Variants in CACUL1 observed in about 807,000 individuals in gnomAD.
CACUL1 encodes CDK2-associated and cullin domain-containing protein 1.
CACUL1 carries 13 observed loss-of-function variants against 45.2 expected under a neutral mutation model. That is an observed-to-expected ratio of 0.29 (90% CI 0.19 to 0.46). The LOEUF is 0.46. CACUL1 is among the 20% of genes least tolerant of loss of function. The pLI is 1.00. For missense variants in CACUL1, 421 were observed against 471.4 expected, an observed-to-expected ratio of 0.89 and a Z score of 0.99; for synonymous variants, 197 against 174.2, an observed-to-expected ratio of 1.13 and a Z score of -1.03.
At chr10:118,735,677 A>T (rs1845734013) in intron 1 of CACUL1, among the ~76,000 whole-genome samples, 2 of 152,186 alleles carry the variant, frequency 1.3e-5, no homozygotes, top group African/African-American at 4.8e-5. Context: ...TAAAGGTGTG[A>T]ATATATCAAA....
chr10:118,738,892 T>TAAAAAAAAAAAAAAAAAAAAAA (rs150393133), intron 1 of CACUL1, among the ~76,000 whole-genome samples: 3 of 62,258 alleles, frequency 4.8e-5, no homozygotes, highest in African/African-American at 1.9e-4. Flanking sequence ...CAAGTGCTCT[T>TAAAAAAAAAAAAAAAAAAAAAA]AAAAAAAAAA....
chr10:118,710,488 G>C (rs1202694252), intron 3 of CACUL1, among the ~76,000 whole-genome samples: 20 of 152,164 alleles, frequency 1.3e-4, no homozygotes. Flanking sequence ...GAACAGGACT[G>C]ACAATGGGAA....
rs926803198 is a variant in CACUL1 at position 118,730,298 on chromosome 10, A to G, written c.480T>C (p.Tyr160=). Residue 160 remains tyrosine, a synonymous_variant, in exon 2 of 9, where the codon TAT becomes TAC. Coordinates refer to ENST00000369151, the MANE Select transcript of CACUL1 (RefSeq NM_153810.5). ...TCTTAACTTACCTGTATATCTGTTC[A>G]TAGGATATGGGGATATAGTCACCAG... is the stretch of plus-strand genomic sequence containing the variant. ...QSPGDYIPIS[Y]EQIYSCVYKC... 9.3e-6 allele frequency: 15 copies of G among 1,613,918 alleles called. 1 individual carries two copies. In the Admixed American group the frequency reaches 1.3e-4, roughly 14 times the overall value.
intron 3 of CACUL1, among the ~76,000 whole-genome samples, chr10:118,722,833 A>T (rs1845613898): frequency 6.6e-6 from 1 of 152,250 alleles, no homozygotes; most frequent in Non-Finnish European, 1.5e-5. Flanking sequence ...CATGCCCACC[A>T]GTGTGCCATG....
At position 118,677,688 on chromosome 10, in the gene CACUL1, G is replaced by A. The variant is rs1348758253; in HGVS notation, c.*8440C>T. 1 of 152,200 alleles carries A rather than the reference G, an allele frequency of 6.6e-6. No homozygotes were observed. The highest frequency in any genetic ancestry group is 1.5e-5 in the Non-Finnish European group (1 of 68,042). 9.4% of individuals were successfully genotyped at this position (152,200 alleles called of 1,614,324 possible). A position where few individuals can be genotyped will look rare whatever the true frequency, so the allele number is the denominator to read the frequency against. On this transcript the variant is annotated 3_prime_UTR_variant, in exon 9 of 9. Transcript: ENST00000369151. ...AGATGCATCCATGTTGAAGCCCGCA[G>A]TGGTATGATGCCTTGACCACTCTAG...
At chr10:118,696,142 C>T (rs1202316090) in intron 5 of CACUL1, among the ~76,000 whole-genome samples, 1 of 152,082 alleles carries the variant, frequency 6.6e-6, no homozygotes, top group Non-Finnish European at 1.5e-5. Flanking sequence ...ATATGATGGC[C>T]ATCAGAGATG....
At chr10:118,690,555 A>G (rs1336399244) in intron 7 of CACUL1, among the ~76,000 whole-genome samples, 1 of 152,224 alleles carries the variant, frequency 6.6e-6, no homozygotes, top group African/African-American at 2.4e-5. Flanking sequence ...CTACTTAAGA[A>G]GAAACCACTA....
intron 1 of CACUL1, among the ~76,000 whole-genome samples, chr10:118,750,090 GC>G (rs1480245985): frequency 2.0e-5 from 3 of 152,248 alleles, no homozygotes; most frequent in African/African-American, 7.2e-5. Flanking sequence ...ACTTTGGGAG[GC>G]CAAGGCGGGT....
chr10:118,687,260 T>C (rs967937115), intron 7 of CACUL1, among the ~76,000 whole-genome samples: 1 of 152,084 alleles, frequency 6.6e-6, no homozygotes, highest in African/African-American at 2.4e-5. Context: ...CATATCTACA[T>C]CTCCAACTCT....
At chr10:118,711,369 C>G (rs1157697995) in intron 3 of CACUL1, among the ~76,000 whole-genome samples, 3 of 152,210 alleles carry the variant, frequency 2.0e-5, no homozygotes, top group Non-Finnish European at 4.4e-5. Context: ...CGTGAGCCAC[C>G]GCACCTGGCC....
At chr10:118,721,593 TCTC>T (rs1485587819) in intron 3 of CACUL1, among the ~76,000 whole-genome samples, 11 of 152,296 alleles carry the variant, frequency 7.2e-5, no homozygotes, top group African/African-American at 2.2e-4. Context: ...CTCTGTGGTC[TCTC>T]CTCAACAGGA....
At position 118,712,835 on chromosome 10, in the gene CACUL1, C is replaced by T. The variant is rs139202767; in HGVS notation, c.598-5248G>A. Among the ~76,000 whole-genome samples, 4 of 152,312 alleles carry T rather than the reference C, an allele frequency of 2.6e-5. No homozygotes were observed. In the East Asian group the frequency reaches 7.7e-4, roughly 29 times the overall value. ...TTATGGGCCCAGAGGGGAGGAAGTACGTGCCCACTGGTCCATGGCCAGCCA... is the reference window on the plus strand; with the variant it reads ...TTATGGGCCCAGAGGGGAGGAAGTATGTGCCCACTGGTCCATGGCCAGCCA... On this transcript the variant is annotated intron_variant, in intron 3 of 8. Coordinates refer to ENST00000369151, the MANE Select transcript of CACUL1 (RefSeq NM_153810.5).
intron 1 of CACUL1, among the ~76,000 whole-genome samples, chr10:118,736,683 CAAT>C (rs771390059): frequency 3.3e-5 from 5 of 152,126 alleles, no homozygotes; most frequent in Non-Finnish European, 7.4e-5. Context: ...CCTAAGTGTA[CAAT>C]GTTTTTAAAG....
At chr10:118,716,305 AT>A (rs143046882) in intron 3 of CACUL1, among the ~76,000 whole-genome samples, 23,988 of 144,912 alleles carry the variant, frequency 0.17, 2,268 homozygotes, top group Admixed American at 0.3. Flanking sequence ...CCATTTTGGT[AT>A]TTTTTTTTTT....
At chr10:118,721,821 C>A (rs72641393) in intron 3 of CACUL1, among the ~76,000 whole-genome samples, 19,070 of 152,050 alleles carry the variant, frequency 0.13, 1,429 homozygotes, top group Admixed American at 0.26. Flanking sequence ...AATATACTCT[C>A]TTTTAGATAA....
At chr10:118,729,450 C>T in intron 2 of CACUL1, 53 bp from the exon 3 acceptor site, 4 of 1,311,368 alleles carry the variant, frequency 3.1e-6, no homozygotes, top group Non-Finnish European at 4.4e-6. Context: ...AAGCACTTAA[C>T]TCAGTCCAAG....
At chr10:118,722,855 T>C (rs760373708) in intron 3 of CACUL1, among the ~76,000 whole-genome samples, 2 of 152,228 alleles carry the variant, frequency 1.3e-5, no homozygotes, top group Non-Finnish European at 2.9e-5. Flanking sequence ...CAGTTGACCA[T>C]TGCCATGGCA....
intron 1 of CACUL1, among the ~76,000 whole-genome samples, chr10:118,751,414 T>C (rs1394906896): frequency 2.0e-5 from 3 of 152,210 alleles, no homozygotes; most frequent in African/African-American, 7.2e-5. Context: ...ATTTATGATA[T>C]TAAATTTATT....
chr10:118,691,469 A>C (rs1296913808), intron 6 of CACUL1, 66 bp from the exon 7 acceptor site: 4 of 1,446,576 alleles, frequency 2.8e-6, no homozygotes, highest in Admixed American at 4.0e-5. Flanking sequence ...TGGAAAAGGG[A>C]AAGTTTTCTT....
Sources: gnomAD v4.1 joint callset for allele counts (sites outside exome capture counted in the v4.1 genomes callset) on GRCh38, gnomAD v4.1.1 for gene constraint, MANE v1.5 for transcripts, NCBI Gene and HGNC (gene_info 2026-07-23, HGNC 2026-07-21) for gene names.